DPH6: variants seen among roughly 807,000 people sequenced by gnomAD.
DPH6 encodes diphthine--ammonia ligase.
A neutral mutation model predicts 38.2 loss-of-function variants in DPH6; 33 were observed. That is an observed-to-expected ratio of 0.86 (90% CI 0.65 to 1.15). The LOEUF is 1.15. Among genes scored for constraint, DPH6 ranks in the 50% most tolerant of loss-of-function variants. DPH6 has a pLI of 0.00. For missense variants in DPH6, 325 were observed against 320.0 expected, an observed-to-expected ratio of 1.02 and a Z score of -0.12; for synonymous variants, 108 against 103.0, an observed-to-expected ratio of 1.05 and a Z score of -0.30.
chr15:35,450,807 C>CAAAAGA lies in DPH6; in HGVS notation c.387-10_387-5dup, dbSNP rs758988542. ...CTGGAGATTAAGCCTTTTACACCTACAAAAGAAAAAGAAAAAGAAAGTCAG... is the reference window on the plus strand; with the variant it reads ...CTGGAGATTAAGCCTTTTACACCTACAAAAGAAAAAGAAAAAGAAAAAGAAAGTCAG... On this transcript the variant is annotated splice_polypyrimidine_tract_variant and splice_region_variant and intron_variant, in intron 4 of 8. Coordinates refer to ENST00000256538, the MANE Select transcript of DPH6 (RefSeq NM_080650.4). 6 of 1,580,648 alleles carry CAAAAGA rather than the reference C, an allele frequency of 3.8e-6. No homozygotes were observed. The highest frequency in any genetic ancestry group is 2.7e-5 in the African/African-American group (2 of 72,964).
rs2051569203 is a variant in DPH6 at position 35,238,148 on chromosome 15, G to A, written n.201-17566C>T. ...CTCCCCCGCTCCAATCCTGCCCCCTGAAACTTATTTTTTTTTCTGATTGTA... is the reference window on the plus strand; with the variant it reads ...CTCCCCCGCTCCAATCCTGCCCCCTAAAACTTATTTTTTTTTCTGATTGTA... On this transcript the variant is annotated intron_variant and non_coding_transcript_variant, in intron 3 of 3. Transcript: ENST00000560386. 19 of 815,696 alleles carry A rather than the reference G, an allele frequency of 2.3e-5. No homozygotes were observed. The South Asian group carries it at 2.7e-4, about 12-fold the overall frequency. 50.5% of individuals were successfully genotyped at this position (815,696 alleles called of 1,614,324 possible).
At chr15:35,396,688 A>G (rs1264595573) in intron 6 of DPH6, among the ~76,000 whole-genome samples, 1 of 152,124 alleles carries the variant, frequency 6.6e-6, no homozygotes, top group East Asian at 1.9e-4. Context: ...ATTTTTATTT[A>G]TAATAGCCAT....
chr15:35,443,785 C>T (rs1050779867), intron 5 of DPH6, among the ~76,000 whole-genome samples: 19 of 152,268 alleles, frequency 1.2e-4, no homozygotes, highest in African/African-American at 4.6e-4. Context: ...AAAATTTGCT[C>T]AGAAGGTCCT....
intron 3 of DPH6, among the ~76,000 whole-genome samples, chr15:35,252,304 T>C (rs16960704): frequency 0.091 from 13,900 of 152,188 alleles, 1,173 homozygotes; most frequent in African/African-American, 0.22. Context: ...TAAATTTCCA[T>C]GAAAGATAGT....
chr15:35,363,677 T>G (rs1464966460), intron 3 of DPH6, among the ~76,000 whole-genome samples: 1 of 152,088 alleles, frequency 6.6e-6, no homozygotes, highest in Non-Finnish European at 1.5e-5. Context: ...TTCTGCTAGT[T>G]GCTCTATGTT....
chr15:35,527,309 T>A (rs1238674887), intron 3 of DPH6, among the ~76,000 whole-genome samples: 3 of 148,208 alleles, frequency 2.0e-5, no homozygotes, highest in Admixed American at 6.6e-5. Context: ...AACAGATAAA[T>A]AAGAAAAGAA....
chr15:35,428,706 A>G (rs977113640), intron 5 of DPH6, among the ~76,000 whole-genome samples: 6 of 152,070 alleles, frequency 3.9e-5, no homozygotes, highest in Non-Finnish European at 8.8e-5. Context: ...ACTTTCAAAC[A>G]TTGTGAATTG....
the DPH6 span, among the ~76,000 whole-genome samples, chr15:35,147,841 T>C: frequency 6.6e-6 from 1 of 152,204 alleles, no homozygotes; most frequent in Non-Finnish European, 1.5e-5. Context: ...AGTGATCAGA[T>C]AATTCAGAAA....
downstream of DPH6, among the ~76,000 whole-genome samples, chr15:35,327,044 T>C (rs1025291964): frequency 2.0e-5 from 3 of 152,034 alleles, no homozygotes; most frequent in African/African-American, 7.2e-5. Flanking sequence ...GTAAGAGGCA[T>C]GAAGAAGTGA....
chr15:35,463,771 TA>T (rs1191806226), intron 3 of DPH6, among the ~76,000 whole-genome samples: 1 of 152,100 alleles, frequency 6.6e-6, no homozygotes, highest in Non-Finnish European at 1.5e-5. Context: ...GAAATGATAT[TA>T]AAAATATACC....
chr15:35,299,049 CTTTCTTCTA>C lies in DPH6; in HGVS notation n.200+74463_200+74471del, dbSNP rs572353373. 9.5e-3 allele frequency: 6,949 copies of C among 728,886 alleles called. 267 individuals are homozygous for C. The highest frequency in any genetic ancestry group is 3.6e-3 in the Non-Finnish European group (1,488 of 412,718). The allele number at this position is 728,886 out of a possible 1,614,324, so 45.2% of individuals were successfully genotyped here. A position where few individuals can be genotyped will look rare whatever the true frequency, so the allele number is the denominator to read the frequency against. On this transcript the variant is annotated intron_variant and non_coding_transcript_variant, in intron 3 of 3. Transcript: ENST00000560386. ...ATGTCTGTATTTATGCCTTTCTTCTCTTTCTTCTATTTCTTCTGTCTTTCCAGCTCCCGC... is the reference window on the plus strand; with the variant it reads ...ATGTCTGTATTTATGCCTTTCTTCTCTTTCTTCTGTCTTTCCAGCTCCCGC...
intron 3 of DPH6, among the ~76,000 whole-genome samples, chr15:35,492,659 T>A (rs992119560): frequency 2.0e-5 from 3 of 152,210 alleles, no homozygotes; most frequent in African/African-American, 7.2e-5. Context: ...GCCAGGTATT[T>A]AACATGTTTA....
intron 3 of DPH6, among the ~76,000 whole-genome samples, chr15:35,358,446 C>T (rs1328144818): frequency 1.3e-5 from 2 of 152,092 alleles, no homozygotes; most frequent in African/African-American, 4.8e-5. Flanking sequence ...TTTTTGGAGG[C>T]ATTGAAGAGC....
At chr15:35,151,602 T>C in the DPH6 span, among the ~76,000 whole-genome samples, 98,253 of 152,056 alleles carry the variant, frequency 0.65, 32,247 homozygotes, top group Middle Eastern at 0.76. Flanking sequence ...ACGTGCACTG[T>C]AGGTGAACTG....
At chr15:35,263,857 G>A (rs185769641) in intron 3 of DPH6, among the ~76,000 whole-genome samples, 189 of 151,904 alleles carry the variant, frequency 1.2e-3, no homozygotes, top group African/African-American at 4.2e-3. Flanking sequence ...GACTACAGGC[G>A]CCCACCACCA....
At chr15:35,544,993 T>A (rs1234726711) in intron 1 of DPH6, among the ~76,000 whole-genome samples, 1 of 152,188 alleles carries the variant, frequency 6.6e-6, no homozygotes, top group African/African-American at 2.4e-5. Flanking sequence ...TATTGTGACA[T>A]TATGGTCTAG....
chr15:35,407,771 G>A (rs750237087), intron 6 of DPH6, among the ~76,000 whole-genome samples: 2 of 152,032 alleles, frequency 1.3e-5, no homozygotes, highest in South Asian at 2.1e-4. Flanking sequence ...AGAGACCTAC[G>A]TGGCTACAGC....
intron 3 of DPH6, chr15:35,490,000 C>T: frequency 1.0e-6 from 1 of 985,132 alleles, no homozygotes; most frequent in Non-Finnish European, 1.2e-6. Flanking sequence ...AGAAGAAAAC[C>T]CTTTATGTAG....
At chr15:35,166,353 C>T in the DPH6 span, among the ~76,000 whole-genome samples, 14 of 151,926 alleles carry the variant, frequency 9.2e-5, no homozygotes, top group Admixed American at 9.2e-4. Context: ...TCAAACCTAG[C>T]ATAACAATGG....
Sources: gnomAD v4.1 joint callset for allele counts (sites outside exome capture counted in the v4.1 genomes callset) on GRCh38, gnomAD v4.1.1 for gene constraint, MANE v1.5 for transcripts, NCBI Gene and HGNC (gene_info 2026-07-23, HGNC 2026-07-21) for gene names.